The following ARHGEF26 variants were observed in gnomAD, a reference collection of about 807,000 sequenced individuals.
The protein encoded by ARHGEF26 is Rho guanine nucleotide exchange factor 26.
A neutral mutation model predicts 89.4 loss-of-function variants in ARHGEF26; 59 were observed. The ratio of observed to expected loss-of-function variants is 0.66; its 90% confidence interval spans 0.54 to 0.82. The LOEUF is 0.82. ARHGEF26 is among the 40% of genes least tolerant of loss of function. The pLI is 0.00. For missense variants in ARHGEF26, 1,234 were observed against 1,085.6 expected (o/e 1.14, Z -1.92); for synonymous variants, 500 against 428.4 (o/e 1.17, Z -2.06).
intron 12 of ARHGEF26, among the ~76,000 whole-genome samples, chr3:154,242,700 C>T (rs955441933): frequency 5.9e-5 from 9 of 152,108 alleles, no homozygotes; most frequent in African/African-American, 2.2e-4. Context: ...GCATTGCATG[C>T]TATACAGAAA....
At position 154,191,287 on chromosome 3, in the gene ARHGEF26, A is replaced by G; in HGVS notation, c.1641-2A>G. On this transcript the variant is annotated splice_acceptor_variant, in intron 7 of 14. Transcript: ENST00000465093. LOFTEE classifies it high-confidence loss of function. The stretch of plus-strand genomic sequence containing the variant: ...GTTTCTCTTTTCTTTGTTTTCCCTC[A>G]GAGCTACCAATCCATCCTTTAAGGA... 1 of 1,605,732 alleles carries G rather than the reference A, an allele frequency of 6.2e-7. No homozygotes were observed. Among genetic ancestry groups the G allele is most frequent in the Non-Finnish European group, 8.5e-7 (1 of 1,176,656 alleles).
intron 6 of ARHGEF26, among the ~76,000 whole-genome samples, chr3:154,178,037 C>T (rs1712936340): frequency 6.6e-6 from 1 of 152,000 alleles, no homozygotes; most frequent in African/African-American, 2.4e-5. Context: ...ACCCCTGTCT[C>T]TCCTAAGAAT....
chr3:154,165,879 G>C (rs1028548416), intron 6 of ARHGEF26, among the ~76,000 whole-genome samples: 5 of 152,088 alleles, frequency 3.3e-5, no homozygotes, highest in Admixed American at 1.3e-4. Context: ...TCTATCCATG[G>C]TATGTGGATT....
Position 154,228,136 on chromosome 3 carries a change from A to ATT in ARHGEF26, c.2090+2141_2090+2142dup, listed in dbSNP as rs5853687. Among the ~76,000 whole-genome samples, 203 of 143,634 alleles carry ATT rather than the reference A, an allele frequency of 1.4e-3. 1 individual carries two copies. In the Middle Eastern group the frequency reaches 0.021, roughly 15 times the overall value. 94.2% of individuals were successfully genotyped at this position (143,634 alleles called of 152,430 possible). ...GCAATGCCATTGGGAGTCTTTGAGAATTTTTTTTTTTTTTTTGAGACGGGC... is the reference window on the plus strand; with the variant it reads ...GCAATGCCATTGGGAGTCTTTGAGAATTTTTTTTTTTTTTTTTTGAGACGGGC... On this transcript the variant is annotated intron_variant, in intron 11 of 14. Transcript: ENST00000465093.
chr3:154,251,876 G>C (rs531656596), intron 12 of ARHGEF26, among the ~76,000 whole-genome samples: 1 of 152,152 alleles, frequency 6.6e-6, no homozygotes, highest in African/African-American at 2.4e-5. Context: ...AATGCCTGGC[G>C]CATCTGTGTC....
chr3:154,126,457 T>G (rs535209772), intron 3 of ARHGEF26, among the ~76,000 whole-genome samples: 1 of 152,302 alleles, frequency 6.6e-6, no homozygotes, highest in East Asian at 1.9e-4. Context: ...GTCTGTTCTA[T>G]GTTATGTAGC....
chr3:154,183,521 G>A (rs1713310561), intron 6 of ARHGEF26, among the ~76,000 whole-genome samples: 1 of 152,136 alleles, frequency 6.6e-6, no homozygotes. Context: ...GATTTGATTT[G>A]ATTCACCGGC....
intron 10 of ARHGEF26, among the ~76,000 whole-genome samples, chr3:154,225,601 T>G (rs1420998758): frequency 6.6e-6 from 1 of 152,188 alleles, no homozygotes; most frequent in Non-Finnish European, 1.5e-5. Context: ...TCCAATAACA[T>G]TTTCTCATTG....
In ARHGEF26 at chr3:154,137,999, C is replaced by T. The variant is rs373109165; in HGVS notation, c.1269+8280C>T. Among the ~76,000 whole-genome samples, 10 of 152,178 alleles carry T rather than the reference C, an allele frequency of 6.6e-5. No homozygotes were observed. In the East Asian group the frequency reaches 1.4e-3, roughly 21 times the overall value. On this transcript the variant is annotated intron_variant, in intron 4 of 14. Transcript: ENST00000465093. ...CATTTAAGGAAACAATATAGATTAC[C>T]CATATTTATGTAAATATACAGACTA...
At chr3:154,148,971 C>T (rs1389840165) in intron 4 of ARHGEF26, among the ~76,000 whole-genome samples, 3 of 152,154 alleles carry the variant, frequency 2.0e-5, no homozygotes, top group Admixed American at 1.3e-4. Context: ...GGATGCCTTT[C>T]ATATAAAGTA....
At chr3:154,243,630 C>G (rs1717607299) in intron 12 of ARHGEF26, among the ~76,000 whole-genome samples, 1 of 152,132 alleles carries the variant, frequency 6.6e-6, no homozygotes, top group Non-Finnish European at 1.5e-5. Flanking sequence ...ACCCATAGGT[C>G]TGACTCATAT....
chr3:154,131,486 C>T (rs189835954), intron 4 of ARHGEF26, among the ~76,000 whole-genome samples: 219 of 152,286 alleles, frequency 1.4e-3, no homozygotes, highest in African/African-American at 4.9e-3. Context: ...GCCTTATACC[C>T]TAATCTAATG....
At position 154,122,220 on chromosome 3, in the gene ARHGEF26, G is replaced by T. The variant is rs751776947; in HGVS notation, c.228G>T (p.Thr76=). ...AQVPTASDSR[T]VHRSPLLLGA... is the part of the protein sequence containing the mutation. The stretch of plus-strand genomic sequence containing the variant: ...TGCCCACCGCCTCGGACAGCAGGAC[G>T]GTACATAGGAGCCCCCTGCTTCTGG... The change falls in exon 2 of 15, where the codon ACG becomes ACT. Residue 76 remains threonine, a synonymous_variant. Coordinates refer to ENST00000465093, the MANE Select transcript of ARHGEF26 (RefSeq NM_015595.4). The T allele has an allele frequency of 3.7e-6, 6 of 1,608,290 alleles. No individual in the cohort carries two copies. The highest frequency in any genetic ancestry group is 5.1e-6 in the Non-Finnish European group (6 of 1,177,740).
chr3:154,223,490 C>T (rs1398083677), intron 10 of ARHGEF26, among the ~76,000 whole-genome samples: 1 of 152,152 alleles, frequency 6.6e-6, no homozygotes. Flanking sequence ...GTGATATATG[C>T]ATATAGTAAA....
At position 154,233,702 on chromosome 3, in the gene ARHGEF26, C is replaced by T. The variant is rs1002011573; in HGVS notation, c.2091-6668C>T. Among the ~76,000 whole-genome samples, 5 of 152,206 alleles carry T rather than the reference C, an allele frequency of 3.3e-5. No homozygotes were observed. The South Asian group carries it at 1.0e-3, about 31-fold the overall frequency. On this transcript the variant is annotated intron_variant, in intron 11 of 14. Coordinates refer to ENST00000465093, the MANE Select transcript of ARHGEF26 (RefSeq NM_015595.4). ...TAGAGTTTCAGGATTCACAGTTGCT[C>T]AGTGTCACTAGATTCTGTATACATG...
At chr3:154,239,260 GGGAGAGAGAGAGA>G (rs748704271) in intron 11 of ARHGEF26, among the ~76,000 whole-genome samples, 30 of 115,874 alleles carry the variant, frequency 2.6e-4, no homozygotes, top group African/African-American at 9.4e-4. Flanking sequence ...GAGAGAGAGA[GGGAGAGAGAGAGA>G]GAGAGAGAGA....
intron 10 of ARHGEF26, among the ~76,000 whole-genome samples, chr3:154,220,053 G>A (rs1716033003): frequency 6.6e-6 from 1 of 152,142 alleles, no homozygotes; most frequent in Admixed American, 6.5e-5. Flanking sequence ...ACCTCATTTA[G>A]AACACTTAGA....
intron 11 of ARHGEF26, among the ~76,000 whole-genome samples, chr3:154,237,727 C>CTTTGACTTTT (rs1238078618): frequency 3.3e-5 from 5 of 152,172 alleles, no homozygotes; most frequent in Non-Finnish European, 5.9e-5. Flanking sequence ...ATATTCATTT[C>CTTTGACTTTT]TTTGACTTTT....
intron 10 of ARHGEF26, among the ~76,000 whole-genome samples, chr3:154,224,866 T>A: frequency 6.6e-6 from 1 of 152,238 alleles, no homozygotes; most frequent in East Asian, 1.9e-4. Flanking sequence ...TGAAATCCTT[T>A]CTTAGCCTTC....
Sources: allele counts gnomAD v4.1 joint callset (sites outside exome capture counted in the v4.1 genomes callset), GRCh38; gene constraint gnomAD v4.1.1; transcripts MANE v1.5; gene names NCBI Gene and HGNC (gene_info 2026-07-23, HGNC 2026-07-21).